The following GRAP2 variants were observed in gnomAD, a reference collection of about 807,000 sequenced individuals.
GRAP2 encodes GRB2 related adaptor protein 2, also known as GRB2-related adapter protein 2.
GRAP2 carries 31 observed loss-of-function variants against 43.5 expected under a neutral mutation model. The ratio of observed to expected loss-of-function variants is 0.71; its 90% CI spans 0.54 to 0.96. The LOEUF (loss-of-function observed/expected upper bound fraction) is 0.96. Ranked by LOEUF, GRAP2 falls within the 40% of genes least tolerant of loss-of-function variation. GRAP2 has a pLI of 0.00. For synonymous variants in GRAP2, 156 were observed against 164.8 expected (o/e 0.95, Z 0.41); for missense variants, 371 against 424.4 (o/e 0.87, Z 1.11).
intron 6 of GRAP2, among the ~76,000 whole-genome samples, chr22:39,969,157 A>G (rs754699543): frequency 1.3e-5 from 2 of 152,216 alleles, no homozygotes; most frequent in Non-Finnish European, 2.9e-5. Flanking sequence ...TGTGTCTGCT[A>G]CTGGAAACAT....
At chr22:39,952,856 A>C (rs1158785983) in intron 2 of GRAP2, among the ~76,000 whole-genome samples, 2 of 152,160 alleles carry the variant, frequency 1.3e-5, no homozygotes, top group Non-Finnish European at 2.9e-5. Flanking sequence ...AAGGACTTTC[A>C]GGTACCAGGG....
At chr22:39,932,087 T>C (rs958125032) in intron 1 of GRAP2, among the ~76,000 whole-genome samples, 4 of 152,174 alleles carry the variant, frequency 2.6e-5, no homozygotes, top group Non-Finnish European at 5.9e-5. Context: ...CCGGTTTTCA[T>C]GTAAGAAATC....
chr22:39,923,741 C>A (rs1306820941), intron 1 of GRAP2, among the ~76,000 whole-genome samples: 1 of 152,192 alleles, frequency 6.6e-6, no homozygotes, highest in Non-Finnish European at 1.5e-5. Context: ...ACAAAAAGAT[C>A]CAATTTGCAA....
intron 6 of GRAP2, 40 bp from the exon 7 acceptor site, chr22:39,969,371 C>A (rs1271773839): frequency 1.2e-6 from 2 of 1,611,304 alleles, no homozygotes; most frequent in African/African-American, 1.3e-5. Flanking sequence ...GGGAGATGTC[C>A]TGGCAGTGGG....
chr22:39,905,516 T>G (rs1056560088), intron 1 of GRAP2, among the ~76,000 whole-genome samples: 1 of 152,190 alleles, frequency 6.6e-6, no homozygotes, highest in African/African-American at 2.4e-5. Context: ...AGCTATAAAA[T>G]GGGATTACTA....
chr22:39,968,079 G>A lies in GRAP2; in HGVS notation c.497G>A (p.Gly166Glu), dbSNP rs1193162313. 6.2e-7 allele frequency: 1 copy of A among 1,612,852 alleles called. No individual in the cohort carries two copies. The highest frequency in any genetic ancestry group is 2.2e-5 in the East Asian group (1 of 44,830). ...AACAGCCTGGACCGGAGGTCCCAGGGAGGCCCACACCTCAGTGGGGCTGTG... is the reference window on the plus strand; with the variant it reads ...AACAGCCTGGACCGGAGGTCCCAGGAAGGCCCACACCTCAGTGGGGCTGTG... ...RGNSLDRRSQ[G>E]GPHLSGAVGE... The change falls in exon 6 of 8, where the codon GGA becomes GAA. Residue 166 changes from glycine to glutamate, a missense_variant. Gly to Glu is a moderately conservative substitution (Grantham distance 98, BLOSUM62 -2). Coordinates refer to ENST00000344138, the MANE Select transcript of GRAP2 (RefSeq NM_004810.4).
chr22:39,903,517 A>C, intron 1 of GRAP2, among the ~76,000 whole-genome samples: 1 of 133,802 alleles, frequency 7.5e-6, no homozygotes, highest in East Asian at 2.3e-4. Context: ...TCACTCTGTC[A>C]CTCAGGCTGG....
intron 3 of GRAP2, among the ~76,000 whole-genome samples, chr22:39,957,872 G>T (rs761356409): frequency 2.0e-5 from 3 of 152,066 alleles, no homozygotes; most frequent in Non-Finnish European, 4.4e-5. Context: ...GGAGTTCAAG[G>T]CTGTGGTGGA....
rs2067148761 is a variant in GRAP2 at position 39,964,316 on chromosome 22, G to A, written c.291-1674G>A. The A allele has an allele frequency of 4.4e-6, 3 of 687,604 alleles. No homozygotes were observed. In the South Asian group the frequency reaches 4.6e-5, roughly 11 times the overall value. 42.6% of individuals were successfully genotyped at this position (687,604 alleles called of 1,614,324 possible). On this transcript the variant is annotated intron_variant, in intron 4 of 7. Coordinates refer to ENST00000344138, the MANE Select transcript of GRAP2 (RefSeq NM_004810.4). ...TGAGTCCAGACTGGCAACAAAAGGT[G>A]CTGATCTAAAAGAAGTTATCGTCCA...
At chr22:39,900,385 T>G (rs1316930850), upstream of GRAP2, among the ~76,000 whole-genome samples, 3 of 152,164 alleles carry the variant, frequency 2.0e-5, no homozygotes, top group Non-Finnish European at 2.9e-5. Flanking sequence ...TGTCTCTAAT[T>G]TTCTGTAAAA....
chr22:39,915,069 A>G (rs188068218), intron 1 of GRAP2, among the ~76,000 whole-genome samples: 8 of 151,406 alleles, frequency 5.3e-5, no homozygotes, highest in African/African-American at 1.9e-4. Context: ...GGTGCCTGTA[A>G]TCCCAGCTAC....
intron 1 of GRAP2, chr22:39,946,767 C>G (rs529931667): frequency 3.8e-6 from 1 of 265,034 alleles, no homozygotes; most frequent in Non-Finnish European, 7.3e-6. Context: ...CAAGCCTTCC[C>G]TCCTTATCAG....
rs1158110975 is a variant in GRAP2, at chr22:39,972,782, G to C, written c.*1698G>C. 6.6e-6 allele frequency: 1 copy of C among 152,630 alleles called. No homozygotes were observed. The highest frequency in any genetic ancestry group is 2.4e-5 in the African/African-American group (1 of 41,450). 9.5% of individuals were successfully genotyped at this position (152,630 alleles called of 1,614,324 possible). A position where few individuals can be genotyped will look rare whatever the true frequency, so the allele number is the denominator to read the frequency against. ...ATTGGGAGGGAAAAGAAAATAGCCT[G>C]GTGGAGGCAGGAGGGAGTCGAGTGT... On this transcript the variant is annotated 3_prime_UTR_variant, in exon 8 of 8. Coordinates refer to ENST00000344138, the MANE Select transcript of GRAP2 (RefSeq NM_004810.4).
At chr22:39,964,139 G>A (rs988644360) in intron 4 of GRAP2, 8 of 475,430 alleles carry the variant, frequency 1.7e-5, no homozygotes, top group African/African-American at 1.2e-4. Context: ...AGATATAAAT[G>A]TATGTCTGTT....
chr22:39,925,019 G>A (rs1220976685), intron 1 of GRAP2, among the ~76,000 whole-genome samples: 1 of 152,164 alleles, frequency 6.6e-6, no homozygotes, highest in Non-Finnish European at 1.5e-5. Context: ...AGAGTGGTGG[G>A]AACATTTGTG....
At chr22:39,918,034 G>A (rs1340576659) in intron 1 of GRAP2, among the ~76,000 whole-genome samples, 1 of 152,068 alleles carries the variant, frequency 6.6e-6, no homozygotes, top group Non-Finnish European at 1.5e-5. Context: ...GCATTTTTAG[G>A]CATTATCTGA....
At chr22:39,903,896 C>T (rs1190462619) in intron 1 of GRAP2, among the ~76,000 whole-genome samples, 2 of 152,162 alleles carry the variant, frequency 1.3e-5, no homozygotes, top group East Asian at 3.8e-4. Context: ...GCACCAAGTC[C>T]TCTTCAACAG....
chr22:39,950,538 C>T (rs866858321), intron 2 of GRAP2, among the ~76,000 whole-genome samples: 12 of 152,236 alleles, frequency 7.9e-5, no homozygotes, highest in South Asian at 2.1e-4. Context: ...TTCAATTCCT[C>T]TCCATTCCCT....
At chr22:39,897,170 T>C (rs186148544), upstream of GRAP2, among the ~76,000 whole-genome samples, 689 of 152,304 alleles carry the variant, frequency 4.5e-3, 3 homozygotes, top group Non-Finnish European at 6.2e-3. Context: ...ACTCCTGGTC[T>C]TGCCTTCCAA....
Sources: gnomAD v4.1 joint callset for allele counts (sites outside exome capture counted in the v4.1 genomes callset) on GRCh38, gnomAD v4.1.1 for gene constraint, MANE v1.5 for transcripts, NCBI Gene and HGNC (gene_info 2026-07-23, HGNC 2026-07-21) for gene names.